CSMD1: variants seen among roughly 807,000 people sequenced by gnomAD.
CSMD1 encodes the protein CUB and Sushi multiple domains 1.
In CSMD1, 213 loss-of-function variants were observed where a neutral mutation model predicts 417.5. The observed-to-expected ratio is 0.51, with a 90% CI of 0.46 to 0.57. CSMD1 has a LOEUF of 0.57. CSMD1 is among the 20% of genes least tolerant of loss of function. The probability of loss-of-function intolerance (pLI) is 0.00; values close to 1 mark genes in which losing one functional copy is unlikely to be tolerated. For synonymous variants in CSMD1, 2,862 were observed against 1,736.8 expected (o/e 1.65, Z -16.11); for missense variants, 6,923 against 4,529.7 (o/e 1.53, Z -15.17).
intron 10 of CSMD1, among the ~76,000 whole-genome samples, chr8:3,513,928 G>C (rs1303577652): frequency 6.6e-6 from 1 of 151,946 alleles, no homozygotes. Context: ...ACATAAGAAG[G>C]GGCCATTAGA....
In CSMD1 at chr8:3,052,485, T is replaced by C; in HGVS notation, c.7637A>G (p.Lys2546Arg). 6.3e-7 allele frequency: 1 copy of C among 1,586,546 alleles called. No homozygotes were observed. The highest frequency in any genetic ancestry group is 8.6e-7 in the Non-Finnish European group (1 of 1,165,770). ...ACGCTTACACGTGGGCGGCTTCCCC[T>C]TGTTACTCCACAACCCATCTTCTTG... ...VCQEDGLWSN[K>R]GKPPTCKPVA... The change falls in exon 50 of 70, where the codon AAG becomes AGG. Residue 2546 changes from lysine (K) to arginine (R), a missense_variant. Lys to Arg is a conservative substitution (Grantham distance 26, BLOSUM62 2). Coordinates refer to ENST00000635120, the MANE Select transcript of CSMD1 (RefSeq NM_033225.6).
At chr8:4,803,917 G>A (rs989770243) in intron 1 of CSMD1, among the ~76,000 whole-genome samples, 2 of 152,182 alleles carry the variant, frequency 1.3e-5, no homozygotes, top group Non-Finnish European at 2.9e-5. Flanking sequence ...CTAGCCCACA[G>A]AGCCTCCATA....
chr8:4,211,204 C>CTTT, intron 3 of CSMD1, among the ~76,000 whole-genome samples: 1 of 145,474 alleles, frequency 6.9e-6, no homozygotes, highest in Non-Finnish European at 1.5e-5. Context: ...AGTCATTTGC[C>CTTT]TTTTTTTTTT....
intron 10 of CSMD1, among the ~76,000 whole-genome samples, chr8:3,551,453 G>A (rs1209077273): frequency 6.6e-6 from 1 of 151,934 alleles, no homozygotes; most frequent in Non-Finnish European, 1.5e-5. Context: ...CAGCTAAGGA[G>A]AAAAGAACAT....
chr8:3,908,349 T>G lies in CSMD1; in HGVS notation c.818+89554A>C, dbSNP rs145609693. ...AACAAAATTTTTACTGAATATTTTA[T>G]GCTATTAATCATTATGGATACATTT... On this transcript the variant is annotated intron_variant, in intron 5 of 69. Coordinates refer to ENST00000635120, the MANE Select transcript of CSMD1 (RefSeq NM_033225.6). Among the ~76,000 whole-genome samples, 22 of 152,360 alleles carry G rather than the reference T, an allele frequency of 1.4e-4. 1 individual carries two copies. Among genetic ancestry groups the G allele is most frequent in the African/African-American group, 5.1e-4 (21 of 41,584 alleles).
rs952627921 is a variant in CSMD1, at chr8:4,141,234, G to A, written c.416-109135C>T. ...AGACTGGAAACCTTCACATTTACAA[G>A]ATACTGAAGAATAAGCTTGATGCTG... On this transcript the variant is annotated intron_variant, in intron 3 of 69. Transcript: ENST00000635120. Among the ~76,000 whole-genome samples, 9 of 151,046 alleles carry A rather than the reference G, an allele frequency of 6.0e-5. 1 individual carries two copies. Among genetic ancestry groups the A allele is most frequent in the South Asian group, 2.1e-4 (1 of 4,826 alleles).
chr8:4,374,289 A>G (rs1469293997), intron 3 of CSMD1, among the ~76,000 whole-genome samples: 1 of 152,188 alleles, frequency 6.6e-6, no homozygotes, highest in Non-Finnish European at 1.5e-5. Context: ...ACCTACTGTT[A>G]TGCTGTATTA....
chr8:3,220,076 C>T (rs73183594), intron 28 of CSMD1, among the ~76,000 whole-genome samples: 39,564 of 149,994 alleles, frequency 0.26, 5,323 homozygotes, highest in East Asian at 0.29. Flanking sequence ...GGCCAGGAGT[C>T]TGAGGCTGCA....
At chr8:3,987,924 T>A (rs947968731) in intron 5 of CSMD1, among the ~76,000 whole-genome samples, 2 of 152,184 alleles carry the variant, frequency 1.3e-5, no homozygotes, top group Non-Finnish European at 2.9e-5. Flanking sequence ...TCACACCGAA[T>A]GGTCTCACAT....
At chr8:3,108,493 G>A (rs764974852) in intron 44 of CSMD1, 110 bp downstream of exon 44, 9 of 1,116,454 alleles carry the variant, frequency 8.1e-6, no homozygotes, top group South Asian at 1.7e-5. Flanking sequence ...AATCATACAC[G>A]CCCTCGGCTG....
chr8:4,103,305 T>C (rs1463520514), intron 3 of CSMD1, among the ~76,000 whole-genome samples: 1 of 151,476 alleles, frequency 6.6e-6, no homozygotes, highest in Admixed American at 6.6e-5. Flanking sequence ...TGTGTGCATA[T>C]ACACACAGTG....
At chr8:4,425,119 G>A (rs1797472032) in intron 2 of CSMD1, among the ~76,000 whole-genome samples, 1 of 151,938 alleles carries the variant, frequency 6.6e-6, no homozygotes, top group African/African-American at 2.4e-5. Flanking sequence ...AAAATAATGT[G>A]ATAGCACTTA....
chr8:3,506,834 A>G (rs10097400), intron 10 of CSMD1, among the ~76,000 whole-genome samples: 12,388 of 152,232 alleles, frequency 0.081, 605 homozygotes, highest in African/African-American at 0.14. Context: ...CTTAAATTTT[A>G]AAAACACCAT....
At chr8:3,440,706 C>T (rs563244249) in intron 12 of CSMD1, among the ~76,000 whole-genome samples, 12 of 152,230 alleles carry the variant, frequency 7.9e-5, no homozygotes, top group Non-Finnish European at 7.3e-5. Context: ...GAGTGGATAT[C>T]CTTGGTGGGT....
rs752085333 is a variant in CSMD1 at position 3,367,204 on chromosome 8, G to A, written c.2943C>T (p.His981=). The change falls in exon 20 of 70, where the codon CAC becomes CAT. Residue 981 remains histidine (H), a synonymous_variant. Transcript: ENST00000635120. ...IFHTFHLESS[H]DYLLITEDGS... is the part of the protein sequence containing the mutation. ...CATCCTCTGTGATCAGTAAATAGTC[G>A]TGGGAACTCTCAAGATGAAAGGTGT... The A allele has an allele frequency of 5.4e-5, 87 of 1,613,308 alleles. No individual in the cohort carries two copies. In the South Asian group the frequency reaches 8.6e-4, roughly 16 times the overall value.
intron 1 of CSMD1, among the ~76,000 whole-genome samples, chr8:4,750,588 A>G (rs866227457): frequency 1.3e-5 from 2 of 152,066 alleles, no homozygotes; most frequent in South Asian, 2.1e-4. Flanking sequence ...AGTAATTCTG[A>G]GTGGTTCGTG....
intron 3 of CSMD1, among the ~76,000 whole-genome samples, chr8:4,170,175 G>T (rs1192831975): frequency 6.6e-6 from 1 of 151,664 alleles, no homozygotes; most frequent in East Asian, 1.9e-4. Context: ...AAGAGTGAAG[G>T]ACCTTTCACA....
At chr8:4,024,380 C>T (rs928963026) in intron 4 of CSMD1, among the ~76,000 whole-genome samples, 4 of 152,092 alleles carry the variant, frequency 2.6e-5, no homozygotes, top group African/African-American at 4.8e-5. Context: ...AGTATGGATA[C>T]GCTGATGGAA....
intron 1 of CSMD1, among the ~76,000 whole-genome samples, chr8:4,838,849 C>A (rs1800665645): frequency 6.6e-6 from 1 of 152,208 alleles, no homozygotes; most frequent in Non-Finnish European, 1.5e-5. Flanking sequence ...CTTCTTGTTT[C>A]TCTTGCTCTA....
Sources: allele counts gnomAD v4.1 joint callset (sites outside exome capture counted in the v4.1 genomes callset), GRCh38; gene constraint gnomAD v4.1.1; transcripts MANE v1.5; gene names NCBI Gene and HGNC (gene_info 2026-07-23, HGNC 2026-07-21).